Variants in UGCG observed in about 807,000 individuals in gnomAD.
The protein encoded by UGCG is UDP-glucose ceramide glucosyltransferase.
A neutral mutation model predicts 49.5 loss-of-function variants in UGCG; 10 were observed. The observed-to-expected ratio is 0.20, with a 90% CI of 0.12 to 0.34. UGCG has a LOEUF of 0.34. UGCG is among the 10% of genes least tolerant of loss of function. The pLI is 1.00. For synonymous variants in UGCG, 182 were observed against 158.2 expected (o/e 1.15, Z -1.13); for missense variants, 312 against 483.7 (o/e 0.65, Z 3.33).
Position 111,933,194 on chromosome 9 carries a change from A to G in UGCG, c.*197A>G, listed in dbSNP as rs2118611381. On this transcript the variant is annotated 3_prime_UTR_variant, in exon 9 of 9. Coordinates refer to ENST00000374279, the MANE Select transcript of UGCG (RefSeq NM_003358.3). Reference sequence around the variant, plus strand: ...ATCTGTAGTCTTGGCCAAATGATACACTTTATTTTGTGGAAGTAGAGAATC... The same window carrying G: ...ATCTGTAGTCTTGGCCAAATGATACGCTTTATTTTGTGGAAGTAGAGAATC... 1 of 403,988 alleles carries G rather than the reference A, an allele frequency of 2.5e-6. No homozygotes were observed. The allele number at this position is 403,988 out of a possible 1,614,324, so 25.0% of individuals were successfully genotyped here.
intron 1 of UGCG, among the ~76,000 whole-genome samples, chr9:111,911,866 A>G (rs866775045): frequency 2.8e-5 from 4 of 142,260 alleles, no homozygotes; most frequent in South Asian, 2.3e-4. Context: ...AGCCTGAGCA[A>G]CGGAGCAAGA....
intron 1 of UGCG, among the ~76,000 whole-genome samples, chr9:111,909,455 A>T (rs62573863): frequency 1.3e-4 from 20 of 152,058 alleles, no homozygotes; most frequent in Admixed American, 1.3e-3. Context: ...CATTGTTTCC[A>T]CCTGTGGAAC....
intron 5 of UGCG, among the ~76,000 whole-genome samples, chr9:111,926,793 G>A (rs1838319120): frequency 6.9e-6 from 1 of 145,892 alleles, no homozygotes; most frequent in Non-Finnish European, 1.5e-5. Flanking sequence ...CTGTTCTAGA[G>A]TTCAGTTCTT....
chr9:111,906,936 T>C (rs901515024), intron 1 of UGCG, among the ~76,000 whole-genome samples: 8 of 152,252 alleles, frequency 5.3e-5, no homozygotes, highest in Non-Finnish European at 1.2e-4. Context: ...TTTTCAGCCT[T>C]GTCTGTGAAG....
chr9:111,915,909 A>C lies in UGCG; in HGVS notation c.240+1163A>C, dbSNP rs567919458. 12 of 871,536 alleles carry C rather than the reference A, an allele frequency of 1.4e-5. No individual in the cohort carries two copies. The South Asian group carries it at 5.8e-4, about 42-fold the overall frequency. The allele number at this position is 871,536 out of a possible 1,614,324, so 54.0% of individuals were successfully genotyped here. Reference sequence around the variant, plus strand: ...TTATTGCTTTGGAGTTTTGGAGTTTAGAAGCCAATTTTGGAGTATTGGAAG... The same window carrying C: ...TTATTGCTTTGGAGTTTTGGAGTTTCGAAGCCAATTTTGGAGTATTGGAAG... On this transcript the variant is annotated intron_variant, in intron 2 of 8. Transcript: ENST00000374279.
At chr9:111,905,923 C>G (rs1677667928) in intron 1 of UGCG, among the ~76,000 whole-genome samples, 1 of 152,206 alleles carries the variant, frequency 6.6e-6, no homozygotes, top group Non-Finnish European at 1.5e-5. Context: ...TATTTATTTA[C>G]TCTTCATTTA....
chr9:111,923,836 C>T (rs914871622), intron 3 of UGCG, among the ~76,000 whole-genome samples: 2 of 152,186 alleles, frequency 1.3e-5, no homozygotes, highest in Admixed American at 6.5e-5. Flanking sequence ...GGTTTCACCA[C>T]GTCAGGCTGG....
intron 1 of UGCG, among the ~76,000 whole-genome samples, chr9:111,900,859 T>C (rs954568385): frequency 6.6e-6 from 1 of 152,168 alleles, no homozygotes; most frequent in Non-Finnish European, 1.5e-5. Context: ...TCCTTTATTT[T>C]GTTTATTGTT....
chr9:111,922,927 A>G lies in UGCG; in HGVS notation c.319A>G (p.Asn107Asp). ...TAAGAAGCTTCTTGGAAAATATCCA[A>G]ATGTTGATGCTAGATTGTTTATAGG... is the stretch of plus-strand genomic sequence containing the variant. ...VCKKLLGKYP[N>D]VDARLFIGGK... The change falls in exon 3 of 9, where the codon AAT (asparagine) becomes GAT (aspartate). Residue 107 changes from asparagine (N) to aspartate (D), a missense_variant. Around this residue, in one of 4 missense-constraint regions of UGCG, gnomAD observed 64 missense variants for 67.6 expected, o/e 0.95. Coordinates refer to ENST00000374279, the MANE Select transcript of UGCG (RefSeq NM_003358.3). 1 of 1,612,464 alleles carries G rather than the reference A, an allele frequency of 6.2e-7. No individual in the cohort carries two copies. Among genetic ancestry groups the G allele is most frequent in the Non-Finnish European group, 8.5e-7 (1 of 1,179,242 alleles).
intron 3 of UGCG, among the ~76,000 whole-genome samples, chr9:111,923,722 A>T (rs1297741397): frequency 6.6e-6 from 1 of 151,310 alleles, no homozygotes; most frequent in Non-Finnish European, 1.5e-5. Flanking sequence ...AACCCCTTCC[A>T]CCTGGGTTCA....
At chr9:111,914,489 T>A in intron 1 of UGCG, 116 bp from the exon 2 acceptor site, 1 of 1,050,878 alleles carries the variant, frequency 9.5e-7, no homozygotes, top group Non-Finnish European at 1.3e-6. Flanking sequence ...TTTAGAAAGA[T>A]GTCAAGTTTT....
rs147635764 is a variant in UGCG at position 111,920,651 on chromosome 9, A to C, written c.241-2198A>C. ...AGTGCTGGGATTACAGGCTTGAGCC[A>C]CCACGCCTGGCCCACAAATTTTTTT... On this transcript the variant is annotated intron_variant, in intron 2 of 8. Coordinates refer to ENST00000374279, the MANE Select transcript of UGCG (RefSeq NM_003358.3). Among the ~76,000 whole-genome samples, 40 of 152,316 alleles carry C rather than the reference A, an allele frequency of 2.6e-4. No individual in the cohort carries two copies. In the East Asian group the frequency reaches 7.5e-3, roughly 29 times the overall value.
At position 111,919,548 on chromosome 9, in the gene UGCG, C is replaced by G. The variant is rs561182565; in HGVS notation, c.241-3301C>G. Among the ~76,000 whole-genome samples the G allele has an allele frequency of 2.0e-5, 3 of 151,868 alleles. No homozygotes were observed. The East Asian group carries it at 5.8e-4, about 29-fold the overall frequency. On this transcript the variant is annotated intron_variant, in intron 2 of 8. Coordinates refer to ENST00000374279, the MANE Select transcript of UGCG (RefSeq NM_003358.3). Reference sequence around the variant, plus strand: ...GGCTCACACCTGTAATCCCAGCACTCTGGGAGGCCGAGGCAGGCAGATCAC... The same window carrying G: ...GGCTCACACCTGTAATCCCAGCACTGTGGGAGGCCGAGGCAGGCAGATCAC...
chr9:111,919,687 C>T (rs554863555), intron 2 of UGCG, among the ~76,000 whole-genome samples: 6 of 148,028 alleles, frequency 4.1e-5, no homozygotes, highest in East Asian at 2.1e-4. Context: ...CCCAGCTACT[C>T]GGGAGGCTGA....
chr9:111,923,925 G>A (rs2118577036), intron 3 of UGCG, among the ~76,000 whole-genome samples: 1 of 152,016 alleles, frequency 6.6e-6, no homozygotes, highest in East Asian at 1.9e-4. Context: ...CAGTAGCTGG[G>A]ATTACAGTCA....
intron 1 of UGCG, among the ~76,000 whole-genome samples, chr9:111,907,112 A>G (rs1207888787): frequency 2.0e-5 from 3 of 152,204 alleles, no homozygotes; most frequent in Non-Finnish European, 2.9e-5. Flanking sequence ...GGTGTTGCCA[A>G]TGCTGCTGGT....
At chr9:111,898,170 CAT>C (rs200158518) in intron 1 of UGCG, among the ~76,000 whole-genome samples, 3 of 151,588 alleles carry the variant, frequency 2.0e-5, no homozygotes, top group Admixed American at 6.6e-5. Context: ...TGAATAGAGA[CAT>C]GGGTTATGTG....
chr9:111,905,382 C>T (rs535184872), intron 1 of UGCG, among the ~76,000 whole-genome samples: 1 of 152,198 alleles, frequency 6.6e-6, no homozygotes, highest in South Asian at 2.1e-4. Flanking sequence ...CAGATAAACC[C>T]TTCTGTCACT....
rs932494573 is a variant in UGCG, at chr9:111,897,021, A to G, written c.-195A>G. The G allele has an allele frequency of 2.4e-4, 79 of 328,138 alleles. No individual in the cohort carries two copies. The highest frequency in any genetic ancestry group is 1.8e-3 in the South Asian group (26 of 14,110). The allele number at this position is 328,138 out of a possible 1,614,324, so 20.3% of individuals were successfully genotyped here. A position where few individuals can be genotyped will look rare whatever the true frequency, so the allele number is the denominator to read the frequency against. On this transcript the variant is annotated 5_prime_UTR_variant, in exon 1 of 9. Transcript: ENST00000374279. The stretch of plus-strand genomic sequence containing the variant: ...CGCGAGCGCGCCGAAGACAGCGCGC[A>G]GGCGAGAGCGCGCGGGCGGGGGCGC...
Sources: allele counts gnomAD v4.1 joint callset (sites outside exome capture counted in the v4.1 genomes callset), GRCh38; gene constraint gnomAD v4.1.1; regional missense constraint gnomAD v4.1.1; transcripts MANE v1.5; gene names NCBI Gene and HGNC (gene_info 2026-07-23, HGNC 2026-07-21).